The following ZNF44 variants were observed in gnomAD, a reference collection of about 807,000 sequenced individuals.
ZNF44 encodes the protein gonadotropin inducible transcription repressor-2.
A neutral mutation model predicts 11.7 loss-of-function variants in ZNF44; 9 were observed. The observed-to-expected ratio is 0.77, with a 90% CI of 0.46 to 1.35. The LOEUF (loss-of-function observed/expected upper bound fraction) is 1.35, where lower values mean the gene tolerates loss of function less well. ZNF44 is among the 40% of genes most tolerant of loss of function. The pLI is 0.00. For synonymous variants in ZNF44, 224 were observed against 242.7 expected, an observed-to-expected ratio of 0.92 and a Z score of 0.72; for missense variants, 696 against 743.1, an observed-to-expected ratio of 0.94 and a Z score of 0.74.
At chr19:12,254,689 C>T (rs897112004) in intron 5 of ZNF44, among the ~76,000 whole-genome samples, 5 of 151,670 alleles carry the variant, frequency 3.3e-5, no homozygotes, top group Admixed American at 6.6e-5. Flanking sequence ...GAGCCGCAAT[C>T]GCACCACTGC....
At position 12,236,185 on chromosome 19, in the gene ZNF44, A is replaced by G. The variant is rs77374620; in HGVS notation, n.138+1267T>C. Among the ~76,000 whole-genome samples the G allele has an allele frequency of 2.3e-3, 351 of 152,370 alleles. 7 individuals carry two copies. The East Asian group carries it at 0.05, about 21-fold the overall frequency. On this transcript the variant is annotated intron_variant and non_coding_transcript_variant, in intron 1 of 3. Coordinates refer to the ZNF44 transcript ENST00000597563. ...GAAGGAATTGGAAATTTAGGAATTCATACAAACCCTAGAAGGGTTAAGTTC... is the reference window on the plus strand; with the variant it reads ...GAAGGAATTGGAAATTTAGGAATTCGTACAAACCCTAGAAGGGTTAAGTTC...
At chr19:12,256,788 T>A (rs1312410626) in intron 5 of ZNF44, among the ~76,000 whole-genome samples, 2 of 140,070 alleles carry the variant, frequency 1.4e-5, no homozygotes, top group Non-Finnish European at 3.0e-5. Context: ...GCAACCAACC[T>A]CTGCCTCCCA....
intron 1 of ZNF44, among the ~76,000 whole-genome samples, chr19:12,287,577 G>A (rs1337005852): frequency 6.6e-6 from 1 of 152,102 alleles, no homozygotes; most frequent in Admixed American, 6.6e-5. Flanking sequence ...TTCTGTGTCT[G>A]AGTTGTTTCA....
intron 5 of ZNF44, among the ~76,000 whole-genome samples, chr19:12,253,545 A>G (rs1344770982): frequency 6.6e-6 from 1 of 152,206 alleles, no homozygotes; most frequent in Non-Finnish European, 1.5e-5. Flanking sequence ...TTTAGCGTAC[A>G]TGTGCATAAC....
At chr19:12,268,289 T>TA (rs1414637320), downstream of ZNF44, among the ~76,000 whole-genome samples, 1 of 152,180 alleles carries the variant, frequency 6.6e-6, no homozygotes, top group Non-Finnish European at 1.5e-5. Flanking sequence ...TGATATGAGA[T>TA]AAAGGTCTCA....
At chr19:12,254,222 A>G (rs1001442195) in intron 5 of ZNF44, among the ~76,000 whole-genome samples, 3 of 152,102 alleles carry the variant, frequency 2.0e-5, no homozygotes, top group Admixed American at 2.0e-4. Context: ...ATTATATAAA[A>G]TATGCTTGCA....
intron 5 of ZNF44, among the ~76,000 whole-genome samples, chr19:12,253,974 G>A (rs959661729): frequency 2.0e-5 from 3 of 151,762 alleles, no homozygotes; most frequent in Non-Finnish European, 4.4e-5. Flanking sequence ...GCGAGACTCT[G>A]TCTCGAAAAA....
chr19:12,228,653 CTTTAGTACAAAAA>C (rs779848274), intron 3 of ZNF44, among the ~76,000 whole-genome samples: 4 of 152,004 alleles, frequency 2.6e-5, no homozygotes, highest in Non-Finnish European at 5.9e-5. Context: ...AGTTAATTTA[CTTTAGTACAAAAA>C]TTTACCATAT....
intron 3 of ZNF44, among the ~76,000 whole-genome samples, chr19:12,227,129 C>A (rs1296449542): frequency 6.6e-6 from 1 of 152,188 alleles, no homozygotes. Context: ...TAATTCCTGT[C>A]CTGATTCATA....
upstream of ZNF44, among the ~76,000 whole-genome samples, chr19:12,239,374 A>G (rs1259587076): frequency 1.3e-5 from 2 of 149,912 alleles, no homozygotes; most frequent in East Asian, 3.9e-4. Flanking sequence ...TTGGCCTCCC[A>G]AAGTGCTGGG....
chr19:12,227,773 C>T (rs1599478008), intron 3 of ZNF44, among the ~76,000 whole-genome samples: 1 of 152,210 alleles, frequency 6.6e-6, no homozygotes, highest in East Asian at 1.9e-4. Flanking sequence ...AAACACATAC[C>T]AATAACATAC....
intron 2 of ZNF44, 88 bp downstream of exon 2, chr19:12,275,868 T>C: frequency 6.9e-7 from 1 of 1,445,314 alleles, no homozygotes; most frequent in Non-Finnish European, 9.3e-7. Flanking sequence ...CTGTATCCCT[T>C]TTCCATATTT....
intron 1 of ZNF44, among the ~76,000 whole-genome samples, chr19:12,288,691 G>A (rs566261133): frequency 6.7e-6 from 1 of 148,156 alleles, no homozygotes; most frequent in East Asian, 2.0e-4. Context: ...GAGGGAGGCG[G>A]AGGTTGCAGT....
At chr19:12,266,333 G>A in intron 5 of ZNF44, 1 of 985,408 alleles carries the variant, frequency 1.0e-6, no homozygotes, top group South Asian at 4.7e-5. Flanking sequence ...GGCCACAGCA[G>A]GGCAAATCGC....
chr19:12,255,610 C>A (rs552124727), intron 5 of ZNF44, among the ~76,000 whole-genome samples: 1 of 152,220 alleles, frequency 6.6e-6, no homozygotes, highest in Admixed American at 6.5e-5. Flanking sequence ...AGATGAAGAA[C>A]AAGGCAAGGG....
intron 5 of ZNF44, among the ~76,000 whole-genome samples, chr19:12,254,262 C>CA (rs1468423856): frequency 2.0e-5 from 3 of 151,170 alleles, no homozygotes; most frequent in African/African-American, 4.9e-5. Flanking sequence ...AAATCAATAA[C>CA]AAAAAAACAG....
At chr19:12,248,233 G>A (rs757189418) in exon 8 of ZNF44, 2 of 1,302,194 alleles carry the variant, frequency 1.5e-6, no homozygotes, top group South Asian at 1.2e-5. Flanking sequence ...TCATGTTTTT[G>A]AGCAGATTGG....
intron 1 of ZNF44, among the ~76,000 whole-genome samples, chr19:12,291,739 C>A (rs981441118): frequency 2.0e-5 from 3 of 151,844 alleles, no homozygotes; most frequent in Non-Finnish European, 4.4e-5. Context: ...CACCTGTAAT[C>A]CCAGAACTTT....
chr19:12,259,524 G>A (rs1215940005), intron 5 of ZNF44, among the ~76,000 whole-genome samples: 1 of 152,102 alleles, frequency 6.6e-6, no homozygotes, highest in Admixed American at 6.6e-5. Flanking sequence ...GTGGACTTCT[G>A]TTTCATCAGT....
Sources: gnomAD v4.1 joint callset for allele counts (sites outside exome capture counted in the v4.1 genomes callset) on GRCh38, gnomAD v4.1.1 for gene constraint, MANE v1.5 for transcripts, NCBI Gene and HGNC (gene_info 2026-07-23, HGNC 2026-07-21) for gene names.